The following DPYS variants were observed in gnomAD, a reference collection of about 807,000 sequenced individuals.
DPYS encodes dihydropyrimidine amidohydrolase.
DPYS carries 39 observed loss-of-function variants against 50.3 expected under a neutral mutation model. The observed-to-expected ratio is 0.78, with a 90% CI of 0.60 to 1.01. DPYS has a LOEUF of 1.01. Ranked by LOEUF, DPYS falls within the 50% of genes least tolerant of loss-of-function variation. DPYS has a pLI of 0.00. For synonymous variants in DPYS, 245 were observed against 250.7 expected, an observed-to-expected ratio of 0.98 and a Z score of 0.22; for missense variants, 659 against 680.9, an observed-to-expected ratio of 0.97 and a Z score of 0.36.
intron 7 of DPYS, among the ~76,000 whole-genome samples, chr8:104,402,079 G>A (rs1811834353): frequency 6.6e-6 from 1 of 152,164 alleles, no homozygotes; most frequent in African/African-American, 2.4e-5. Flanking sequence ...CTGCTATTTT[G>A]TCCTTGGAGG....
At chr8:104,388,700 AT>A (rs1257667664) in intron 8 of DPYS, among the ~76,000 whole-genome samples, 1 of 152,202 alleles carries the variant, frequency 6.6e-6, no homozygotes, top group African/African-American at 2.4e-5. Context: ...TTCTGATTCA[AT>A]ATTTTCCCTT....
intron 7 of DPYS, among the ~76,000 whole-genome samples, chr8:104,412,641 G>T (rs1170311504): frequency 6.6e-6 from 1 of 152,122 alleles, no homozygotes; most frequent in Non-Finnish European, 1.5e-5. Context: ...AGGGTTGCAG[G>T]GCCCACCAGC....
chr8:104,419,420 T>C (rs1368064241), intron 7 of DPYS: 1 of 152,068 alleles, frequency 6.6e-6, no homozygotes, highest in African/African-American at 2.4e-5. Flanking sequence ...AAAACAAAAA[T>C]CGAGAGCATA....
chr8:104,395,677 A>C (rs919294538), intron 7 of DPYS, among the ~76,000 whole-genome samples: 4 of 152,230 alleles, frequency 2.6e-5, no homozygotes, highest in African/African-American at 9.6e-5. Flanking sequence ...GACATACCGC[A>C]GTGCTATACA....
At position 104,451,347 on chromosome 8, in the gene DPYS, C is replaced by T; in HGVS notation, c.322G>A (p.Gly108Ser). ...IIDFAIPQKGGSLIEAFETWR... is the reference protein window; with the variant it reads ...IIDFAIPQKGSSLIEAFETWR... ...GTCTCGAAGGCCTCAATGAGGGAGC[C>T]ACCTTTCTGAGGAATGGCGAAATCA... Residue 108 changes from glycine to serine, a missense_variant, in exon 2 of 10, where the codon GGC (glycine) becomes AGC (serine). By Grantham distance (56) the Gly-to-Ser change is moderately conservative. Transcript: ENST00000351513. 6.2e-7 allele frequency: 1 copy of T among 1,614,200 alleles called. No homozygotes were observed. The highest frequency in any genetic ancestry group is 8.5e-7 in the Non-Finnish European group (1 of 1,180,026).
chr8:104,439,202 T>C (rs969848091), intron 4 of DPYS, among the ~76,000 whole-genome samples: 9 of 152,194 alleles, frequency 5.9e-5, no homozygotes, highest in African/African-American at 2.2e-4. Context: ...TTTTTCATAG[T>C]TGAGAGTCAA....
At chr8:104,385,860 A>T (rs891171963) in intron 8 of DPYS, among the ~76,000 whole-genome samples, 7 of 152,196 alleles carry the variant, frequency 4.6e-5, no homozygotes, top group African/African-American at 1.7e-4. Flanking sequence ...CCCTCTCTAG[A>T]TGCCAGCGCC....
At chr8:104,445,769 G>A (rs1813505729) in intron 3 of DPYS, among the ~76,000 whole-genome samples, 1 of 152,206 alleles carries the variant, frequency 6.6e-6, no homozygotes, top group African/African-American at 2.4e-5. Flanking sequence ...CTTTTGGCCG[G>A]GCGCGGTGGC....
At chr8:104,435,911 A>T (rs1299665837) in intron 4 of DPYS, among the ~76,000 whole-genome samples, 1 of 152,124 alleles carries the variant, frequency 6.6e-6, no homozygotes, top group Non-Finnish European at 1.5e-5. Flanking sequence ...TAATTCATAA[A>T]GAAAAGTTAG....
intron 7 of DPYS, among the ~76,000 whole-genome samples, chr8:104,402,774 A>C (rs1811863202): frequency 6.6e-6 from 1 of 152,344 alleles, no homozygotes; most frequent in African/African-American, 2.4e-5. Context: ...ATTAAGAGAC[A>C]GGACTAGCTG....
chr8:104,403,012 C>A (rs538848855), intron 7 of DPYS, among the ~76,000 whole-genome samples: 1 of 152,272 alleles, frequency 6.6e-6, no homozygotes, highest in South Asian at 2.1e-4. Flanking sequence ...GCATTCAAGC[C>A]GGCAATGGCT....
At position 104,379,459 on chromosome 8, in the gene DPYS, TAC is replaced by T. The variant is rs1373785372; in HGVS notation, c.*397_*398del. 5.8e-6 allele frequency: 1 copy of T among 171,662 alleles called. No homozygotes were observed. The highest frequency in any genetic ancestry group is 2.4e-5 in the African/African-American group (1 of 41,548). 10.6% of individuals were successfully genotyped at this position (171,662 alleles called of 1,614,324 possible). On this transcript the variant is annotated 3_prime_UTR_variant, in exon 10 of 10. Transcript: ENST00000351513. ...AATGAAGATCTCAATGTTTATTAAT[TAC>T]AATAAAAAGTAAAATCACAGAGCTA...
intron 1 of DPYS, among the ~76,000 whole-genome samples, chr8:104,460,279 G>T (rs2140769301): frequency 6.6e-6 from 1 of 152,262 alleles, no homozygotes; most frequent in South Asian, 2.1e-4. Flanking sequence ...CATGTGGGAG[G>T]TGATTGAATC....
intron 7 of DPYS, among the ~76,000 whole-genome samples, chr8:104,398,847 C>T (rs1811678957): frequency 6.6e-6 from 1 of 152,202 alleles, no homozygotes; most frequent in South Asian, 2.1e-4. Flanking sequence ...GTTCTTGTAA[C>T]TTGCCCAAAG....
intron 7 of DPYS, chr8:104,419,803 A>G (rs1388895455): frequency 6.6e-6 from 1 of 152,258 alleles, no homozygotes; most frequent in Non-Finnish European, 1.5e-5. Flanking sequence ...ACACATGACC[A>G]CTAAATGTAA....
At chr8:104,431,434 T>C (rs1277865652) in intron 4 of DPYS, among the ~76,000 whole-genome samples, 1 of 150,864 alleles carries the variant, frequency 6.6e-6, no homozygotes, top group African/African-American at 2.4e-5. Flanking sequence ...TTTCTCCCCA[T>C]CTAGTATCTG....
At chr8:104,439,473 C>T (rs1312797802) in intron 4 of DPYS, among the ~76,000 whole-genome samples, 1 of 152,110 alleles carries the variant, frequency 6.6e-6, no homozygotes, top group Non-Finnish European at 1.5e-5. Flanking sequence ...AAACCAATTA[C>T]AATTACAAAT....
rs145972506 is a variant in DPYS, at chr8:104,440,313, C to T, written c.793+3935G>A. Among the ~76,000 whole-genome samples the T allele has an allele frequency of 2.2e-3, 328 of 151,480 alleles. 1 individual carries two copies. The highest frequency in any genetic ancestry group is 6.0e-3 in the African/African-American group (246 of 40,858). ...GGATCTCCTTTGTGCCTCCTGGAGC[C>T]GTGATTCTCAGGCTTTCATATGCAT... On this transcript the variant is annotated intron_variant, in intron 4 of 9. Transcript: ENST00000351513.
At chr8:104,447,120 A>G (rs760498572) in intron 3 of DPYS, among the ~76,000 whole-genome samples, 3 of 152,250 alleles carry the variant, frequency 2.0e-5, no homozygotes, top group East Asian at 1.9e-4. Context: ...TACCACCTGC[A>G]TAAAGCTGAG....
Sources: gnomAD v4.1 joint callset for allele counts (sites outside exome capture counted in the v4.1 genomes callset) on GRCh38, gnomAD v4.1.1 for gene constraint, MANE v1.5 for transcripts, NCBI Gene and HGNC (gene_info 2026-07-23, HGNC 2026-07-21) for gene names.